LHFPL3: variants seen among roughly 807,000 people sequenced by gnomAD.
The protein encoded by LHFPL3 is LHFPL tetraspan subfamily member 3 protein.
In LHFPL3, 5 loss-of-function variants were observed where a neutral mutation model predicts 19.3. The observed-to-expected ratio is 0.26, with a 90% CI of 0.14 to 0.54. The LOEUF (loss-of-function observed/expected upper bound fraction) is 0.54, where lower values mean the gene tolerates loss of function less well. Ranked by LOEUF, LHFPL3 falls within the 20% of genes least tolerant of loss-of-function variation. LHFPL3 has a pLI of 0.94. For missense variants in LHFPL3, 249 were observed against 307.4 expected, an observed-to-expected ratio of 0.81 and a Z score of 1.42; for synonymous variants, 133 against 126.2, an observed-to-expected ratio of 1.05 and a Z score of -0.36.
At chr7:104,777,585 G>A (rs1025268467) in intron 2 of LHFPL3, among the ~76,000 whole-genome samples, 21 of 152,126 alleles carry the variant, frequency 1.4e-4, no homozygotes, top group Admixed American at 5.2e-4. Context: ...GAATTCCCTT[G>A]GCCTGATGCA....
intron 1 of LHFPL3, among the ~76,000 whole-genome samples, chr7:104,346,824 A>C (rs1328204564): frequency 1.3e-5 from 2 of 151,230 alleles, no homozygotes; most frequent in Non-Finnish European, 2.9e-5. Context: ...AGACTAACAC[A>C]CTTTCTAATG....
chr7:104,829,491 C>T (rs947139903), intron 2 of LHFPL3, among the ~76,000 whole-genome samples: 3 of 151,718 alleles, frequency 2.0e-5, no homozygotes, highest in African/African-American at 4.9e-5. Flanking sequence ...TCCCCCTACC[C>T]CACAACAGTC....
chr7:104,728,639 A>G (rs1562974747), intron 1 of LHFPL3, among the ~76,000 whole-genome samples: 1 of 152,148 alleles, frequency 6.6e-6, no homozygotes, highest in Non-Finnish European at 1.5e-5. Flanking sequence ...CCTTTTCTAA[A>G]GAAGTGCCAA....
At chr7:104,894,208 T>C (rs900647393) in intron 2 of LHFPL3, among the ~76,000 whole-genome samples, 1 of 152,196 alleles carries the variant, frequency 6.6e-6, no homozygotes, top group Non-Finnish European at 1.5e-5. Context: ...TGAGTTACTT[T>C]TGTCATTGTT....
Position 104,663,117 on chromosome 7 carries a change from C to T in LHFPL3, c.446-73558C>T, listed in dbSNP as rs1418025253. Among the ~76,000 whole-genome samples the T allele has an allele frequency of 2.6e-5, 4 of 152,304 alleles. No individual in the cohort carries two copies. In the South Asian group the frequency reaches 6.2e-4, roughly 24 times the overall value. On this transcript the variant is annotated intron_variant, in intron 1 of 2. Transcript: ENST00000424859. Reference sequence around the variant, plus strand: ...AAATAAAACATTATAACCTTGACTACAAACTTAAGAACTTGAAAGTTTTCT... The same window carrying T: ...AAATAAAACATTATAACCTTGACTATAAACTTAAGAACTTGAAAGTTTTCT...
At chr7:104,508,327 G>A (rs1182017371) in intron 1 of LHFPL3, among the ~76,000 whole-genome samples, 2 of 151,494 alleles carry the variant, frequency 1.3e-5, no homozygotes, top group African/African-American at 4.9e-5. Context: ...GATGAAATTG[G>A]AAATCATCAT....
intron 1 of LHFPL3, among the ~76,000 whole-genome samples, chr7:104,645,855 T>C (rs1245194756): frequency 1.3e-5 from 2 of 151,948 alleles, no homozygotes; most frequent in African/African-American, 4.8e-5. Flanking sequence ...AGAGACGGGG[T>C]TTCACTGTGT....
intron 1 of LHFPL3, among the ~76,000 whole-genome samples, chr7:104,487,768 G>A (rs921373033): frequency 6.6e-6 from 1 of 152,038 alleles, no homozygotes; most frequent in East Asian, 1.9e-4. Context: ...CTGAATCCTT[G>A]CATTTCTGTT....
intron 1 of LHFPL3, among the ~76,000 whole-genome samples, chr7:104,620,276 G>T (rs190760346): frequency 2.0e-5 from 3 of 152,294 alleles, no homozygotes; most frequent in Admixed American, 2.0e-4. Flanking sequence ...GCACTGAGAG[G>T]TCTAACAGTG....
chr7:104,641,453 T>G (rs542007756), intron 1 of LHFPL3, among the ~76,000 whole-genome samples: 1 of 152,358 alleles, frequency 6.6e-6, no homozygotes, highest in Admixed American at 6.5e-5. Flanking sequence ...TCTGACCGAT[T>G]GCTTGTGGAG....
At chr7:104,557,324 G>C (rs537375013) in intron 1 of LHFPL3, among the ~76,000 whole-genome samples, 11 of 152,180 alleles carry the variant, frequency 7.2e-5, no homozygotes, top group Non-Finnish European at 1.2e-4. Context: ...TAGCTGGGGA[G>C]GCCTCACAAT....
At chr7:104,456,330 A>G (rs113688180) in intron 1 of LHFPL3, among the ~76,000 whole-genome samples, 12 of 152,212 alleles carry the variant, frequency 7.9e-5, no homozygotes, top group African/African-American at 2.4e-4. Flanking sequence ...GCATACATGG[A>G]GGATTACTGA....
intron 1 of LHFPL3, among the ~76,000 whole-genome samples, chr7:104,503,355 C>T (rs887810680): frequency 1.1e-4 from 17 of 151,976 alleles, no homozygotes; most frequent in South Asian, 2.1e-4. Context: ...AAAAAATTAG[C>T]TGTCTCTGGC....
chr7:104,647,712 C>T (rs1361712274), intron 1 of LHFPL3, among the ~76,000 whole-genome samples: 3 of 152,178 alleles, frequency 2.0e-5, no homozygotes, highest in African/African-American at 7.2e-5. Context: ...TTTTCTTCTC[C>T]ATTTCCTCAC....
At chr7:104,522,532 A>G (rs962955106) in intron 1 of LHFPL3, among the ~76,000 whole-genome samples, 1 of 152,152 alleles carries the variant, frequency 6.6e-6, no homozygotes, top group Admixed American at 6.5e-5. Context: ...AACTTAAAGT[A>G]TAATAATAAA....
intron 1 of LHFPL3, among the ~76,000 whole-genome samples, chr7:104,545,961 G>C (rs978140885): frequency 1.3e-5 from 2 of 152,076 alleles, no homozygotes; most frequent in Non-Finnish European, 2.9e-5. Context: ...TTGTGAATAT[G>C]TCCAGACACT....
intron 1 of LHFPL3, among the ~76,000 whole-genome samples, chr7:104,343,658 A>G (rs548911049): frequency 2.0e-5 from 3 of 151,990 alleles, no homozygotes; most frequent in African/African-American, 4.8e-5. Context: ...AACACTTGCA[A>G]AATGAACCAT....
chr7:104,851,996 C>T (rs1267603103), intron 2 of LHFPL3, among the ~76,000 whole-genome samples: 1 of 152,008 alleles, frequency 6.6e-6, no homozygotes, highest in Non-Finnish European at 1.5e-5. Flanking sequence ...ACCCACATTC[C>T]TTTTCCCACC....
chr7:104,352,900 TA>T (rs2116392976), intron 1 of LHFPL3, among the ~76,000 whole-genome samples: 1 of 152,280 alleles, frequency 6.6e-6, no homozygotes, highest in Admixed American at 6.5e-5. Flanking sequence ...CAACTCCATT[TA>T]AAAACAGTCT....
Sources: gnomAD v4.1 joint callset for allele counts (sites outside exome capture counted in the v4.1 genomes callset) on GRCh38, gnomAD v4.1.1 for gene constraint, MANE v1.5 for transcripts, NCBI Gene and HGNC (gene_info 2026-07-23, HGNC 2026-07-21) for gene names.